Variants in COL11A2 observed in about 807,000 individuals in gnomAD.
COL11A2 encodes collagen type XI alpha 2 chain.
A neutral mutation model predicts 273.4 loss-of-function variants in COL11A2; 116 were observed. The observed-to-expected ratio is 0.42, with a 90% CI of 0.36 to 0.49. The LOEUF (loss-of-function observed/expected upper bound fraction) is 0.49. Among genes scored for constraint, COL11A2 ranks in the 20% least tolerant of loss-of-function variants. The probability of loss-of-function intolerance (pLI) is 0.00; values close to 1 mark genes in which losing one functional copy is unlikely to be tolerated. For missense variants in COL11A2, 1,866 were observed against 2,309.0 expected, an observed-to-expected ratio of 0.81 and a Z score of 3.93; for synonymous variants, 782 against 864.2, an observed-to-expected ratio of 0.90 and a Z score of 1.67.
In COL11A2 at chr6:33,176,097, C is replaced by A. The variant is rs1454659124; in HGVS notation, c.2215-28G>T. On this transcript the variant is annotated intron_variant, in intron 28 of 65. Coordinates refer to ENST00000341947, the MANE Select transcript of COL11A2 (RefSeq NM_080680.3). This position sits in a 1 kb window ranked among gnomAD's most constrained non-coding sequence, Gnocchi z 4.9. ...GAGAAAGATAGAGGTGAGAGGGCAC[C>A]ACAGATGACAGAGGGCTGGGGTTCT... 1.2e-6 allele frequency: 2 copies of A among 1,612,878 alleles called. No individual in the cohort carries two copies. The highest frequency in any genetic ancestry group is 1.7e-6 in the Non-Finnish European group (2 of 1,179,932).
Position 33,188,405 on chromosome 6 carries a change from A to T in COL11A2, c.563T>A (p.Val188Glu). The T allele has an allele frequency of 6.2e-7, 1 of 1,612,902 alleles. No homozygotes were observed. The highest frequency in any genetic ancestry group is 2.2e-5 in the East Asian group (1 of 44,880). ...SARPVLDTHG[V>E]IIFGARILDE... ...CAGAATACGGGCACCAAAGATGATCACTCCATGGGTGTCCAATACTGGACG... is the reference window on the plus strand; with the variant it reads ...CAGAATACGGGCACCAAAGATGATCTCTCCATGGGTGTCCAATACTGGACG... Residue 188 changes from valine to glutamate, a missense_variant, in exon 4 of 66, where the codon GTG becomes GAG. By Grantham distance (121) the Val-to-Glu change is moderately radical. Transcript: ENST00000341947.
Position 33,166,788 on chromosome 6 carries a change from C to T in COL11A2, c.4270G>A (p.Glu1424Lys), listed in dbSNP as rs773474660. Residue 1424 changes from glutamate to lysine, a missense_variant, in exon 59 of 66, where the codon GAG (glutamate) becomes AAG (lysine). Physicochemically the swap from Glu to Lys is moderately conservative, Grantham distance 56. Transcript: ENST00000341947. This position sits in a 1 kb window ranked among gnomAD's most constrained non-coding sequence, Gnocchi z 4.8. Reference sequence around the variant, plus strand: ...CCCCGATCTCCCTTCTCTCCCTGCTCACCCGGGGGCCCAATCAGTCCAATG... The same window carrying T: ...CCCCGATCTCCCTTCTCTCCCTGCTTACCCGGGGGCCCAATCAGTCCAATG... ...GLIGLIGPPGEQGEKGDRGLP... is the reference protein window; with the variant it reads ...GLIGLIGPPGKQGEKGDRGLP... 2 of 1,613,382 alleles carry T rather than the reference C, an allele frequency of 1.2e-6. No homozygotes were observed. The highest frequency in any genetic ancestry group is 2.7e-5 in the African/African-American group (2 of 74,924).
chr6:33,180,715 G>A lies in COL11A2; in HGVS notation c.1237C>T (p.Pro413Ser), dbSNP rs1475574638. Reference protein sequence around the residue: ...PEGPAGLIGPPGIQGNPGPVG... With the variant: ...PEGPAGLIGPSGIQGNPGPVG... ...GGGCCTGGGTTCCCCTGGATGCCAG[G>A]GGGACCAATCAATCCCTGAGGAACA... The change falls in exon 11 of 66, where the codon CCT becomes TCT. Residue 413 changes from proline (P) to serine (S), a missense_variant. By Grantham distance (74) the Pro-to-Ser change is moderately conservative (BLOSUM62 -1). Transcript: ENST00000341947. The A allele has an allele frequency of 1.2e-6, 2 of 1,611,322 alleles. No individual in the cohort carries two copies. Among genetic ancestry groups the A allele is most frequent in the South Asian group, 1.1e-5 (1 of 90,678 alleles).
In COL11A2 at chr6:33,177,282, TC is replaced by T; in HGVS notation, c.1972-58del. 6.2e-7 allele frequency: 1 copy of T among 1,608,962 alleles called. No homozygotes were observed. ...CTCCCAGGGTCTCTTCTATCCAGCCTCCCGGATTCAAAGCATGAGCAACAAG... is the reference window on the plus strand; with the variant it reads ...CTCCCAGGGTCTCTTCTATCCAGCCTCCGGATTCAAAGCATGAGCAACAAG... On this transcript the variant is annotated intron_variant, in intron 23 of 65. Transcript: ENST00000341947. This position sits in a 1 kb window ranked among gnomAD's most constrained non-coding sequence, Gnocchi z 5.9.
intron 39 of COL11A2, 71 bp from the exon 40 acceptor site, chr6:33,172,449 CT>C: frequency 1.3e-6 from 2 of 1,561,406 alleles, no homozygotes; most frequent in Non-Finnish European, 1.8e-6. Context: ...CCAGCCCCCC[CT>C]CAAATCTCCA....
In COL11A2 at chr6:33,166,490, G is replaced by C; in HGVS notation, c.4392+23C>G. The C allele has an allele frequency of 6.2e-7, 1 of 1,611,424 alleles. No homozygotes were observed. The highest frequency in any genetic ancestry group is 8.5e-7 in the Non-Finnish European group (1 of 1,178,472). On this transcript the variant is annotated intron_variant, in intron 60 of 65. Coordinates refer to ENST00000341947, the MANE Select transcript of COL11A2 (RefSeq NM_080680.3). This position sits in a 1 kb window ranked among gnomAD's most constrained non-coding sequence, Gnocchi z 4.8. ...AGCAGAGGGGTTTAGGGGATTTTGT[G>C]GAGGAACAGAGGCAGTACTCACGGG...
chr6:33,186,369 G>A, intron 5 of COL11A2: 4 of 1,399,744 alleles, frequency 2.9e-6, no homozygotes, highest in Non-Finnish European at 2.8e-6. Flanking sequence ...AAGAAGGAAG[G>A]GAAAACCCAG....
chr6:33,189,933 C>T lies in COL11A2; in HGVS notation c.83-464G>A, dbSNP rs1772917727. ...CTCTCCCTCGCTCTCACTCTCTTTC[C>T]ATATCTCTCACTCTCTGGGTCTCTG... is the stretch of plus-strand genomic sequence containing the variant. On this transcript the variant is annotated intron_variant, in intron 1 of 65. Coordinates refer to ENST00000341947, the MANE Select transcript of COL11A2 (RefSeq NM_080680.3). This position sits in a 1 kb window ranked among gnomAD's most constrained non-coding sequence, Gnocchi z 5.6. Among the ~76,000 whole-genome samples the T allele has an allele frequency of 6.6e-6, 1 of 152,104 alleles. No homozygotes were observed. Among genetic ancestry groups the T allele is most frequent in the South Asian group, 2.1e-4 (1 of 4,830 alleles).
At chr6:33,187,776 G>A (rs1247220656) in intron 4 of COL11A2, among the ~76,000 whole-genome samples, 1 of 145,606 alleles carries the variant, frequency 6.9e-6, no homozygotes, top group African/African-American at 2.5e-5. Context: ...GAGTGGTTGA[G>A]TTGGTGGAAG....
In COL11A2 at chr6:33,179,876, C is replaced by T; in HGVS notation, c.1360-71G>A. On this transcript the variant is annotated intron_variant, in intron 12 of 65. Transcript: ENST00000341947. The surrounding 1 kb of genome is among the most constrained non-coding windows in gnomAD (Gnocchi z 6.4). ...TGGGACCCTCCCAGCCAGAGGCTTT[C>T]TCCAGCGTTTCTGCCCCTTGCCCCA... 2 of 1,446,518 alleles carry T rather than the reference C, an allele frequency of 1.4e-6. No homozygotes were observed. The highest frequency in any genetic ancestry group is 2.3e-5 in the East Asian group (1 of 44,152). 89.6% of individuals were successfully genotyped at this position (1,446,518 alleles called of 1,614,324 possible). A position where few individuals can be genotyped will look rare whatever the true frequency, so the allele number is the denominator to read the frequency against.
At position 33,173,070 on chromosome 6, in the gene COL11A2, A is replaced by G. The variant is rs1770349972; in HGVS notation, c.2780T>C (p.Val927Ala). 6.2e-7 allele frequency: 1 copy of G among 1,612,442 alleles called. No homozygotes were observed. The highest frequency in any genetic ancestry group is 1.3e-5 in the African/African-American group (1 of 74,854). The change falls in exon 38 of 66, where the codon GTG becomes GCG. Residue 927 changes from valine (V) to alanine (A), a missense_variant. By Grantham distance (64) the Val-to-Ala change is moderately conservative. Transcript: ENST00000341947. This position sits in a 1 kb window ranked among gnomAD's most constrained non-coding sequence, Gnocchi z 6.3. Reference protein sequence around the residue: ...KTGPPGPPGVVGPQGAAGETG... With the variant: ...KTGPPGPPGVAGPQGAAGETG... ...TAGGGACAAACCTACCTGAGGTCCC[A>G]CCACTCCTGGAGGACCAGGGGGGCC...
In COL11A2 at chr6:33,178,856, G is replaced by A. The variant is rs1187030443; in HGVS notation, c.1665+64C>T. 3 of 1,611,336 alleles carry A rather than the reference G, an allele frequency of 1.9e-6. No individual in the cohort carries two copies. The highest frequency in any genetic ancestry group is 2.7e-5 in the African/African-American group (2 of 74,870). ...GCCTGGAGAACTAGGTCATCCCCAA[G>A]AAACAACTGAGCCCAGCGTGGGCTG... On this transcript the variant is annotated intron_variant, in intron 17 of 65. Coordinates refer to ENST00000341947, the MANE Select transcript of COL11A2 (RefSeq NM_080680.3). The surrounding 1 kb of genome is among the most constrained non-coding windows in gnomAD (Gnocchi z 4.6).
rs776233461 is a variant in COL11A2 at position 33,192,198 on chromosome 6, G to A, written c.43C>T (p.Pro15Ser). Reference protein sequence around the residue: ...SRCHRLLLLLPLVLGLSAAPG... With the variant: ...SRCHRLLLLLSLVLGLSAAPG... ...GCCGCGCTCAGCCCCAGCACCAGAG[G>A]TAGGAGGAGGAGGAGGCGATGGCAG... Residue 15 changes from proline to serine, a missense_variant, in exon 1 of 66, where the codon CCT becomes TCT. Pro to Ser is a moderately conservative substitution (Grantham distance 74). Coordinates refer to ENST00000341947, the MANE Select transcript of COL11A2 (RefSeq NM_080680.3). The A allele has an allele frequency of 1.3e-6, 2 of 1,566,806 alleles. No individual in the cohort carries two copies. Among genetic ancestry groups the A allele is most frequent in the Non-Finnish European group, 1.7e-6 (2 of 1,155,788 alleles).
rs1770979360 is a variant in COL11A2 at position 33,176,878 on chromosome 6, T to TG, written c.2070+113dup. On this transcript the variant is annotated intron_variant, in intron 25 of 65. Coordinates refer to ENST00000341947, the MANE Select transcript of COL11A2 (RefSeq NM_080680.3). The surrounding 1 kb of genome is among the most constrained non-coding windows in gnomAD (Gnocchi z 4.9). ...GTGACCTAGTGAAGCCAACTGTCCATGGACAAGCACCACCAGTGACCTTTC... is the reference window on the plus strand; with the variant it reads ...GTGACCTAGTGAAGCCAACTGTCCATGGGACAAGCACCACCAGTGACCTTTC... 5 of 1,535,868 alleles carry TG rather than the reference T, an allele frequency of 3.3e-6. No homozygotes were observed. The South Asian group carries it at 5.9e-5, about 18-fold the overall frequency.
chr6:33,180,108 C>T, intron 12 of COL11A2, 150 bp downstream of exon 12: 2 of 899,202 alleles, frequency 2.2e-6, no homozygotes, highest in Non-Finnish European at 3.6e-6. Context: ...CCCATCTCCC[C>T]AACCCCAAAG....
chr6:33,169,433 G>A lies in COL11A2; in HGVS notation c.3748C>T (p.Pro1250Ser), dbSNP rs867893993. ...GESGQPGEPG[P>S]PGPKGPTGDD... ...CCTGTGGGGCCTTTAGGCCCTGGTG[G>A]CCCTGGCTCTCCTGGCTGCCCCGAC... The change falls in exon 51 of 66, where the codon CCA (proline) becomes TCA (serine). Residue 1250 changes from proline to serine, a missense_variant. Coordinates refer to ENST00000341947, the MANE Select transcript of COL11A2 (RefSeq NM_080680.3). This position sits in a 1 kb window ranked among gnomAD's most constrained non-coding sequence, Gnocchi z 5.5. 5.6e-6 allele frequency: 9 copies of A among 1,612,818 alleles called. No individual in the cohort carries two copies. In the African/African-American group the frequency reaches 1.2e-4, roughly 22 times the overall value.
Position 33,165,441 on chromosome 6 carries a change from C to T in COL11A2, c.4750+108G>A, listed in dbSNP as rs1768973173. The T allele has an allele frequency of 5.2e-6, 8 of 1,546,540 alleles. No homozygotes were observed. The highest frequency in any genetic ancestry group is 1.4e-5 in the African/African-American group (1 of 73,984). On this transcript the variant is annotated intron_variant, in intron 63 of 65. Coordinates refer to ENST00000341947, the MANE Select transcript of COL11A2 (RefSeq NM_080680.3). This position sits in a 1 kb window ranked among gnomAD's most constrained non-coding sequence, Gnocchi z 7.7. ...AGCTGCAGTTCCCAGCCCCTCAGCC[C>T]TCACCCTTAACCCAACACCTTCACC...
upstream of COL11A2, among the ~76,000 whole-genome samples, chr6:33,193,102 G>A (rs114427462): frequency 0.024 from 3,676 of 152,220 alleles, 113 homozygotes; most frequent in African/African-American, 0.067. Flanking sequence ...CGAGGTAGAG[G>A]GGGAGCAGTG....
chr6:33,181,584 C>G (rs933394058), intron 8 of COL11A2, among the ~76,000 whole-genome samples: 1 of 152,160 alleles, frequency 6.6e-6, no homozygotes, highest in African/African-American at 2.4e-5. Context: ...AAGTGATTCT[C>G]CTGCCTCAGC....
Sources: gnomAD v4.1 joint callset for allele counts (sites outside exome capture counted in the v4.1 genomes callset) on GRCh38, gnomAD v4.1.1 for gene constraint, Gnocchi (gnomAD v3.1) non-coding constraint, MANE v1.5 for transcripts, NCBI Gene and HGNC (gene_info 2026-07-23, HGNC 2026-07-21) for gene names.